ADAM22: variants seen among roughly 807,000 people sequenced by gnomAD.
ADAM22 encodes the protein disintegrin and metalloproteinase domain-containing protein 22.
In ADAM22, 65 loss-of-function variants were observed where a neutral mutation model predicts 144.6. That is an observed-to-expected ratio of 0.45 (90% confidence interval 0.37 to 0.55). The LOEUF is 0.55. Ranked by LOEUF, ADAM22 falls within the 20% of genes least tolerant of loss-of-function variation. The pLI is 0.00. For missense variants in ADAM22, 974 were observed against 1,184.9 expected (o/e 0.82, Z 2.61); for synonymous variants, 391 against 412.6 (o/e 0.95, Z 0.63).
At chr7:88,021,662 G>A (rs10235124) in intron 3 of ADAM22, among the ~76,000 whole-genome samples, 1 of 152,198 alleles carries the variant, frequency 6.6e-6, no homozygotes, top group Non-Finnish European at 1.5e-5. Flanking sequence ...CTAAAGCACA[G>A]TTTCCAGACC....
chr7:88,190,169 C>T (rs962330163), intron 30 of ADAM22, among the ~76,000 whole-genome samples: 1 of 152,196 alleles, frequency 6.6e-6, no homozygotes, highest in African/African-American at 2.4e-5. Flanking sequence ...CACCACAATC[C>T]ATTGGCACAC....
chr7:88,182,545 T>C (rs1437922599), intron 29 of ADAM22, among the ~76,000 whole-genome samples: 2 of 152,212 alleles, frequency 1.3e-5, no homozygotes, highest in Admixed American at 6.5e-5. Context: ...TCTGAGAACA[T>C]TTAAAAGGGC....
At chr7:87,948,222 T>G (rs1029653852) in intron 2 of ADAM22, among the ~76,000 whole-genome samples, 2 of 152,166 alleles carry the variant, frequency 1.3e-5, no homozygotes, top group Non-Finnish European at 2.9e-5. Flanking sequence ...GCAACTAAAG[T>G]AAAAACAAGT....
chr7:88,119,000 AG>A (rs922884773), intron 7 of ADAM22, among the ~76,000 whole-genome samples: 2 of 152,238 alleles, frequency 1.3e-5, no homozygotes, highest in African/African-American at 4.8e-5. Flanking sequence ...ACTGGGTTGT[AG>A]ATTATCAACA....
At chr7:88,059,717 G>A (rs1328277518) in intron 3 of ADAM22, among the ~76,000 whole-genome samples, 1 of 152,152 alleles carries the variant, frequency 6.6e-6, no homozygotes, top group Non-Finnish European at 1.5e-5. Flanking sequence ...TTGCAGGAAC[G>A]TGAATACAGC....
chr7:88,048,101 T>C (rs922886024), intron 3 of ADAM22, among the ~76,000 whole-genome samples: 3 of 152,156 alleles, frequency 2.0e-5, no homozygotes, highest in Admixed American at 2.0e-4. Context: ...ATTTTCCCTG[T>C]TATATTATTG....
chr7:88,080,104 ACT>A (rs1816058558), intron 4 of ADAM22, among the ~76,000 whole-genome samples: 1 of 152,124 alleles, frequency 6.6e-6, no homozygotes. Context: ...GAAGTAAAGC[ACT>A]CTCAGCAAAT....
rs764728429 is a variant in ADAM22 at position 88,131,428 on chromosome 7, C to A, written c.985C>A (p.Leu329Ile). Residue 329 changes from leucine (L) to isoleucine (I), a missense_variant, in exon 11 of 32, where the codon CTT becomes ATT. Physicochemically the swap from Leu to Ile is conservative, Grantham distance 5. Coordinates refer to ENST00000413139, the MANE Select transcript of ADAM22 (RefSeq NM_001324418.2). Reference protein sequence around the residue: ...FIKEKSDAVHLFSGSQFESSR... With the variant: ...FIKEKSDAVHIFSGSQFESSR... ...CAAAGAGAAAAGTGATGCAGTTCAC[C>A]TTTTTTCGTACGTAACTTCTGTAAT... is the stretch of plus-strand genomic sequence containing the variant. 1 of 1,613,326 alleles carries A rather than the reference C, an allele frequency of 6.2e-7. No homozygotes were observed. Among genetic ancestry groups the A allele is most frequent in the Non-Finnish European group, 8.5e-7 (1 of 1,179,570 alleles).
chr7:88,088,310 G>A (rs1383483013), intron 4 of ADAM22, among the ~76,000 whole-genome samples: 2 of 152,092 alleles, frequency 1.3e-5, no homozygotes, highest in African/African-American at 4.8e-5. Flanking sequence ...CCTCCCTGGG[G>A]TGGGAGCCCC....
chr7:88,071,328 A>G (rs58475358), intron 3 of ADAM22, among the ~76,000 whole-genome samples: 3,303 of 152,036 alleles, frequency 0.022, 134 homozygotes, highest in African/African-American at 0.075. Context: ...AATGATTGAA[A>G]TCAGGATATG....
At chr7:87,967,713 CAGG>C (rs1484857598) in intron 2 of ADAM22, among the ~76,000 whole-genome samples, 10 of 143,392 alleles carry the variant, frequency 7.0e-5, no homozygotes, top group African/African-American at 2.6e-4. Context: ...GAGGCTGAGG[CAGG>C]AGAATTGCTT....
intron 4 of ADAM22, among the ~76,000 whole-genome samples, chr7:88,088,938 T>G (rs2129484476): frequency 6.6e-6 from 1 of 152,264 alleles, no homozygotes; most frequent in South Asian, 2.1e-4. Context: ...GTTTAGTGAC[T>G]GCATTCCATT....
At chr7:88,126,889 C>G (rs1407010716) in intron 8 of ADAM22, among the ~76,000 whole-genome samples, 1 of 151,818 alleles carries the variant, frequency 6.6e-6, no homozygotes, top group African/African-American at 2.4e-5. Flanking sequence ...ATAAGAGGAT[C>G]AAGAAACTTT....
At chr7:88,060,461 G>T (rs1410426991) in intron 3 of ADAM22, among the ~76,000 whole-genome samples, 2 of 152,130 alleles carry the variant, frequency 1.3e-5, no homozygotes, top group African/African-American at 4.8e-5. Context: ...ACCAGGAGTA[G>T]ATTCTGCCTT....
At chr7:87,991,365 T>A (rs977376289) in intron 3 of ADAM22, among the ~76,000 whole-genome samples, 8 of 142,230 alleles carry the variant, frequency 5.6e-5, no homozygotes, top group Non-Finnish European at 1.1e-4. Flanking sequence ...TTTTTTTTTT[T>A]TTTTTTTTTT....
At chr7:88,147,958 C>T in intron 17 of ADAM22, among the ~76,000 whole-genome samples, 1 of 152,032 alleles carries the variant, frequency 6.6e-6, no homozygotes, top group Admixed American at 6.6e-5. Context: ...CATTGAGTTC[C>T]CAGTAGTTAG....
chr7:88,064,926 A>T (rs985549436), intron 3 of ADAM22, among the ~76,000 whole-genome samples: 2 of 152,134 alleles, frequency 1.3e-5, no homozygotes, highest in African/African-American at 4.8e-5. Flanking sequence ...TAGTACTAGT[A>T]ATCATAGTAA....
At chr7:87,945,478 G>A (rs1223243836) in intron 2 of ADAM22, among the ~76,000 whole-genome samples, 3 of 151,690 alleles carry the variant, frequency 2.0e-5, no homozygotes, top group African/African-American at 7.3e-5. Context: ...TTGCCAGTAT[G>A]CTGAAGAATG....
At chr7:88,137,234 A>G (rs1833204491) in intron 14 of ADAM22, among the ~76,000 whole-genome samples, 1 of 152,196 alleles carries the variant, frequency 6.6e-6, no homozygotes, top group Non-Finnish European at 1.5e-5. Flanking sequence ...AGATTTATCC[A>G]TCCTGTTAAT....
Sources: gnomAD v4.1 joint callset for allele counts (sites outside exome capture counted in the v4.1 genomes callset) on GRCh38, gnomAD v4.1.1 for gene constraint, MANE v1.5 for transcripts, NCBI Gene and HGNC (gene_info 2026-07-23, HGNC 2026-07-21) for gene names.